SYNPO2L: variants seen among roughly 807,000 people sequenced by gnomAD.
The protein encoded by SYNPO2L is synaptopodin 2-like protein.
Under a neutral mutation model 47.5 loss-of-function variants are expected in SYNPO2L, and 34 were observed. That is an observed-to-expected ratio of 0.72 (90% CI 0.54 to 0.95). The LOEUF is 0.95. Ranked by LOEUF, SYNPO2L falls within the 40% of genes least tolerant of loss-of-function variation. The probability of loss-of-function intolerance (pLI) is 0.00; values close to 1 mark genes in which losing one functional copy is unlikely to be tolerated. For synonymous variants in SYNPO2L, 536 were observed against 524.9 expected (o/e 1.02, Z -0.29); for missense variants, 1,246 against 1,282.0 (o/e 0.97, Z 0.43).
At chr10:73,648,946 G>A (rs2081813797) in intron 3 of SYNPO2L, 67 bp from the exon 4 acceptor site, 25 of 1,420,612 alleles carry the variant, frequency 1.8e-5, no homozygotes, top group Non-Finnish European at 2.3e-5. Flanking sequence ...GTTCCCCAAG[G>A]CTTTCACCCC....
At position 73,646,689 on chromosome 10, in the gene SYNPO2L, C is replaced by G. The variant is rs766117288; in HGVS notation, c.*29G>C. 1.4e-6 allele frequency: 2 copies of G among 1,423,258 alleles called. No homozygotes were observed. The highest frequency in any genetic ancestry group is 5.2e-5 in the Admixed American group (2 of 38,776). The allele number at this position is 1,423,258 out of a possible 1,614,324, so 88.2% of individuals were successfully genotyped here. A position where few individuals can be genotyped will look rare whatever the true frequency, so the allele number is the denominator to read the frequency against. On this transcript the variant is annotated 3_prime_UTR_variant, in exon 4 of 4. Transcript: ENST00000394810. ...CAACTTTAGGAACTGGATGTTCCAC[C>G]TCTCCTTGGTCCTGGGACCTGTGCC...
In SYNPO2L at chr10:73,655,965, C is replaced by G; in HGVS notation, c.-43G>C. 3 of 1,508,288 alleles carry G rather than the reference C, an allele frequency of 2.0e-6. No individual in the cohort carries two copies. Among genetic ancestry groups the G allele is most frequent in the South Asian group, 1.3e-5 (1 of 79,952 alleles). 93.4% of individuals were successfully genotyped at this position (1,508,288 alleles called of 1,614,324 possible). On this transcript the variant is annotated 5_prime_UTR_variant, in exon 1 of 4. Transcript: ENST00000394810. ...GGCCCCCGGAGTTTGAACAGTGTCCCCAGGAGAGAAGTTGAGGTGCTCGAA... is the reference window on the plus strand; with the variant it reads ...GGCCCCCGGAGTTTGAACAGTGTCCGCAGGAGAGAAGTTGAGGTGCTCGAA...
intron 1 of SYNPO2L, among the ~76,000 whole-genome samples, chr10:73,654,956 C>T (rs1159914772): frequency 6.6e-6 from 1 of 152,166 alleles, no homozygotes; most frequent in Non-Finnish European, 1.5e-5. Flanking sequence ...TAACCCCAGG[C>T]GCCATTACAC....
chr10:73,653,635 A>G lies in SYNPO2L; in HGVS notation c.276T>C (p.Pro92=). The G allele has an allele frequency of 6.5e-7, 1 of 1,546,624 alleles. No individual in the cohort carries two copies. The highest frequency in any genetic ancestry group is 8.7e-7 in the Non-Finnish European group (1 of 1,142,930). The change falls in exon 3 of 4, where the codon CCT becomes CCC. Residue 92 remains proline, a synonymous_variant. Transcript: ENST00000394810. The part of the protein sequence containing the change: ...LTVQRLADEG[P]VQSPSPHELQ... ...GCTCATGGGGAGATGGAGATTGCACAGGACCCTCGTCTGCTAACCTGGATA... is the reference window on the plus strand; with the variant it reads ...GCTCATGGGGAGATGGAGATTGCACGGGACCCTCGTCTGCTAACCTGGATA...
At position 73,645,122 on chromosome 10, in the gene SYNPO2L, A is replaced by C. The variant is rs578112986; in HGVS notation, c.*1596T>G. The stretch of plus-strand genomic sequence containing the variant: ...AGGTTTTGGCTCTGGGTATTTCCCT[A>C]CTCTTTCCCAGGCAGTCATGGCAAG... On this transcript the variant is annotated 3_prime_UTR_variant, in exon 4 of 4. Transcript: ENST00000394810. 4.9e-6 allele frequency: 6 copies of C among 1,220,946 alleles called. No homozygotes were observed. In the East Asian group the frequency reaches 4.1e-4, roughly 84 times the overall value. 75.6% of individuals were successfully genotyped at this position (1,220,946 alleles called of 1,614,324 possible).
At position 73,655,870 on chromosome 10, in the gene SYNPO2L, C is replaced by T; in HGVS notation, c.53G>A (p.Gly18Asp). ...LVTLSGGAPWGFRLHGGAEQR... is the reference protein window; with the variant it reads ...LVTLSGGAPWDFRLHGGAEQR... Reference sequence around the variant, plus strand: ...CTCGGCCCCCCCATGAAGTCGGAAGCCCCAGGGGGCTCCCCCTGATAGTGT... The same window carrying T: ...CTCGGCCCCCCCATGAAGTCGGAAGTCCCAGGGGGCTCCCCCTGATAGTGT... The change falls in exon 1 of 4, where the codon GGC becomes GAC. Residue 18 changes from glycine (G) to aspartate (D), a missense_variant. This residue lies in a region of SYNPO2L where 61 missense variants were observed against 55.6 expected (regional missense o/e 1.10). Transcript: ENST00000394810. 6.4e-7 allele frequency: 1 copy of T among 1,551,334 alleles called. No individual in the cohort carries two copies. The highest frequency in any genetic ancestry group is 2.4e-5 in the East Asian group (1 of 40,896).
In SYNPO2L at chr10:73,648,581, C is replaced by T; in HGVS notation, c.1071G>A (p.Leu357=). ...AGCCCGCCCTGGCAAGCTCCATGTC[C>T]AGATAGGGACTGTCCCAGTCAGATT... ...TNQSDWDSPY[L]DMELARAGSR... The change falls in exon 4 of 4, where the codon CTG becomes CTA. Residue 357 remains leucine (L), a synonymous_variant. Transcript: ENST00000394810. 6.2e-7 allele frequency: 1 copy of T among 1,614,174 alleles called. No individual in the cohort carries two copies. Among genetic ancestry groups the T allele is most frequent in the Non-Finnish European group, 8.5e-7 (1 of 1,180,008 alleles).
chr10:73,650,232 TGTAATGA>T (rs2081830076), intron 3 of SYNPO2L: 2 of 984,964 alleles, frequency 2.0e-6, no homozygotes, highest in Admixed American at 1.2e-4. Context: ...TGAGCTCCTT[TGTAATGA>T]GCTTTGTAAT....
At chr10:73,650,346 T>G in intron 3 of SYNPO2L, 1 of 741,222 alleles carries the variant, frequency 1.3e-6, no homozygotes, top group Non-Finnish European at 1.7e-6. Context: ...TACCACAGAA[T>G]AGTGGTATGG....
At chr10:73,652,849 A>G (rs1030609672) in intron 3 of SYNPO2L, among the ~76,000 whole-genome samples, 3 of 152,072 alleles carry the variant, frequency 2.0e-5, no homozygotes, top group African/African-American at 7.2e-5. Context: ...ACACAATAAC[A>G]ATTATCACCA....
At chr10:73,651,771 C>A (rs918228021) in intron 3 of SYNPO2L, among the ~76,000 whole-genome samples, 1 of 152,114 alleles carries the variant, frequency 6.6e-6, no homozygotes, top group Non-Finnish European at 1.5e-5. Context: ...GTCAAAGGTG[C>A]CTGCTATTAA....
Position 73,646,518 on chromosome 10 carries a change from A to G in SYNPO2L, c.*200T>C. The G allele has an allele frequency of 8.0e-7, 1 of 1,244,196 alleles. No homozygotes were observed. The highest frequency in any genetic ancestry group is 3.9e-5 in the Admixed American group (1 of 25,384). 77.1% of individuals were successfully genotyped at this position (1,244,196 alleles called of 1,614,324 possible). On this transcript the variant is annotated 3_prime_UTR_variant, in exon 4 of 4. Transcript: ENST00000394810. ...AGACAAAGAGAGGCAAAGATACCAA[A>G]GCAGACATACTTGGTTGGAAAGCGG...
At position 73,647,142 on chromosome 10, in the gene SYNPO2L, C is replaced by G; in HGVS notation, c.2510G>C (p.Arg837Pro). ...CTTGATGCCCTGCTTGGGTGTTGCC[C>G]GAGGCCCCTGGGATTGGGCCTTAGG... The part of the protein sequence containing the change: ...TLPKAQSQGP[R>P]ATPKQGIKAL... The change falls in exon 4 of 4, where the codon CGG (arginine) becomes CCG (proline). Residue 837 changes from arginine (R) to proline (P), a missense_variant. By Grantham distance (103) the Arg-to-Pro change is moderately radical. Around this residue, in one of 3 missense-constraint regions of SYNPO2L, gnomAD observed 1,037 missense variants for 1,021.5 expected, o/e 1.02. Transcript: ENST00000394810. The G allele has an allele frequency of 3.1e-6, 5 of 1,613,972 alleles. No homozygotes were observed. The highest frequency in any genetic ancestry group is 4.2e-6 in the Non-Finnish European group (5 of 1,179,992).
Position 73,646,676 on chromosome 10 carries a change from C to G in SYNPO2L, c.*42G>C. The G allele has an allele frequency of 7.1e-7, 1 of 1,413,380 alleles. No homozygotes were observed. The highest frequency in any genetic ancestry group is 1.4e-5 in the African/African-American group (1 of 69,638). 87.6% of individuals were successfully genotyped at this position (1,413,380 alleles called of 1,614,324 possible). A position where few individuals can be genotyped will look rare whatever the true frequency, so the allele number is the denominator to read the frequency against. On this transcript the variant is annotated 3_prime_UTR_variant, in exon 4 of 4. Coordinates refer to ENST00000394810, the MANE Select transcript of SYNPO2L (RefSeq NM_001114133.3). ...AGGGTAGGAGAAGCAACTTTAGGAACTGGATGTTCCACCTCTCCTTGGTCC... is the reference window on the plus strand; with the variant it reads ...AGGGTAGGAGAAGCAACTTTAGGAAGTGGATGTTCCACCTCTCCTTGGTCC...
At chr10:73,653,767 A>T in intron 2 of SYNPO2L, 114 bp from the exon 3 acceptor site, 2 of 1,354,232 alleles carry the variant, frequency 1.5e-6, no homozygotes, top group Non-Finnish European at 1.9e-6. Context: ...GGGAGAGAGA[A>T]GGCTGTCATA....
In SYNPO2L at chr10:73,645,245, C is replaced by G; in HGVS notation, c.*1473G>C. The G allele has an allele frequency of 9.1e-7, 1 of 1,101,626 alleles. No individual in the cohort carries two copies. Among genetic ancestry groups the G allele is most frequent in the Non-Finnish European group, 1.1e-6 (1 of 892,778 alleles). The allele number at this position is 1,101,626 out of a possible 1,614,324, so 68.2% of individuals were successfully genotyped here. A position where few individuals can be genotyped will look rare whatever the true frequency, so the allele number is the denominator to read the frequency against. The stretch of plus-strand genomic sequence containing the variant: ...ACACACCCTCACACCTCCCTTCCAC[C>G]ATCATTCCCTTCCATTCTAACATTC... On this transcript the variant is annotated 3_prime_UTR_variant, in exon 4 of 4. Coordinates refer to ENST00000394810, the MANE Select transcript of SYNPO2L (RefSeq NM_001114133.3).
intron 2 of SYNPO2L, 144 bp from the exon 3 acceptor site, chr10:73,653,797 G>T (rs1013791021): frequency 8.4e-7 from 1 of 1,189,800 alleles, no homozygotes; most frequent in African/African-American, 1.5e-5. Context: ...TGGGTGGGCC[G>T]GGAAGAGTGG....
intron 3 of SYNPO2L, among the ~76,000 whole-genome samples, chr10:73,652,200 T>C (rs1241479946): frequency 6.6e-6 from 1 of 151,966 alleles, no homozygotes; most frequent in Non-Finnish European, 1.5e-5. Context: ...TTGCTCACGC[T>C]GGAGTGCAGT....
rs1233263302 is a variant in SYNPO2L, at chr10:73,648,553, T to C, written c.1099A>G (p.Arg367Gly). The change falls in exon 4 of 4, where the codon AGA becomes GGA. Residue 367 changes from arginine (R) to glycine (G), a missense_variant. By Grantham distance (125) the Arg-to-Gly change is moderately radical. This residue lies in a region of SYNPO2L where 1,037 missense variants were observed against 1,021.5 expected (regional missense o/e 1.02). Coordinates refer to ENST00000394810, the MANE Select transcript of SYNPO2L (RefSeq NM_001114133.3). ...CCAGAGCCCTGGCCCTCTGATGCTC[T>C]TGAGCCCGCCCTGGCAAGCTCCATG... ...LDMELARAGS[R>G]ASEGQGSGLG... The C allele has an allele frequency of 6.2e-7, 1 of 1,614,204 alleles. No homozygotes were observed. Among genetic ancestry groups the C allele is most frequent in the Admixed American group, 1.7e-5 (1 of 60,028 alleles).
Sources: gnomAD v4.1 joint callset for allele counts (sites outside exome capture counted in the v4.1 genomes callset) on GRCh38, gnomAD v4.1.1 for gene constraint, gnomAD v4.1.1 regional missense constraint, MANE v1.5 for transcripts, NCBI Gene and HGNC (gene_info 2026-07-23, HGNC 2026-07-21) for gene names.